MYH10: variants seen among roughly 807,000 people sequenced by gnomAD.
MYH10 encodes the protein myosin heavy chain 10, also known as myosin-10.
Under a neutral mutation model 257.8 loss-of-function variants are expected in MYH10, and 55 were observed. The ratio of observed to expected loss-of-function variants is 0.21; its 90% CI spans 0.17 to 0.27. The LOEUF (loss-of-function observed/expected upper bound fraction) is 0.27. Ranked by LOEUF, MYH10 falls within the 10% of genes least tolerant of loss-of-function variation. The pLI is 1.00. For synonymous variants in MYH10, 854 were observed against 921.7 expected, an observed-to-expected ratio of 0.93 and a Z score of 1.33; for missense variants, 1,631 against 2,500.6, an observed-to-expected ratio of 0.65 and a Z score of 7.42.
At chr17:8,612,174 T>C (rs895531837) in intron 2 of MYH10, among the ~76,000 whole-genome samples, 2 of 152,180 alleles carry the variant, frequency 1.3e-5, no homozygotes, top group African/African-American at 4.8e-5. Flanking sequence ...CTCTCAGATC[T>C]CAGATCAACT....
At chr17:8,573,726 C>G (rs944807236) in intron 6 of MYH10, 3 of 569,278 alleles carry the variant, frequency 5.3e-6, no homozygotes, top group Non-Finnish European at 6.7e-6. Flanking sequence ...ATAAAAAGTA[C>G]ACCAAAAGTT....
chr17:8,614,855 T>C (rs9912638), intron 2 of MYH10, among the ~76,000 whole-genome samples: 53,379 of 151,906 alleles, frequency 0.35, 11,199 homozygotes, highest in African/African-American at 0.6. Flanking sequence ...TAAAAAAGGG[T>C]AATACAAATA....
chr17:8,504,950 C>G lies in MYH10; in HGVS notation c.3387-44G>C. 1 of 1,554,632 alleles carries G rather than the reference C, an allele frequency of 6.4e-7. No individual in the cohort carries two copies. Among genetic ancestry groups the G allele is most frequent in the Non-Finnish European group, 8.9e-7 (1 of 1,127,812 alleles). Reference sequence around the variant, plus strand: ...GCAAGAGGCACTCAGAGATGGCACCCGGATGGCCTGTTTCTCAGGCGAGCC... The same window carrying G: ...GCAAGAGGCACTCAGAGATGGCACCGGGATGGCCTGTTTCTCAGGCGAGCC... On this transcript the variant is annotated intron_variant, in intron 27 of 42. Transcript: ENST00000360416. The surrounding 1 kb of genome is among the most constrained non-coding windows in gnomAD (Gnocchi z 5.6).
chr17:8,552,027 A>G lies in MYH10; in HGVS notation c.919+19T>C. On this transcript the variant is annotated intron_variant, in intron 9 of 42. Transcript: ENST00000360416. This position sits in a 1 kb window ranked among gnomAD's most constrained non-coding sequence, Gnocchi z 4.8. ...GATATTCCAGTGAATATAAAATAGT[A>G]AAAACCTTTGTAACTTACACTTTAG... The G allele has an allele frequency of 7.4e-7, 1 of 1,357,066 alleles. No homozygotes were observed. The highest frequency in any genetic ancestry group is 9.9e-7 in the Non-Finnish European group (1 of 1,005,242). The allele number at this position is 1,357,066 out of a possible 1,614,324, so 84.1% of individuals were successfully genotyped here.
chr17:8,570,305 T>C (rs893964812), intron 6 of MYH10, among the ~76,000 whole-genome samples: 1 of 152,238 alleles, frequency 6.6e-6, no homozygotes, highest in African/African-American at 2.4e-5. Context: ...GACAGGGCAA[T>C]GTCTTCACCT....
At chr17:8,521,024 T>A (rs750890657) in intron 18 of MYH10, 25 bp from the exon 19 acceptor site, 2 of 1,610,680 alleles carry the variant, frequency 1.2e-6, no homozygotes, top group Non-Finnish European at 8.5e-7. Flanking sequence ...AATAGTTTCA[T>A]GGTTTAATCT....
chr17:8,616,528 A>C (rs142449143), intron 2 of MYH10, among the ~76,000 whole-genome samples: 1 of 152,116 alleles, frequency 6.6e-6, no homozygotes, highest in Non-Finnish European at 1.5e-5. Context: ...AAATTTAAAC[A>C]CCATTTAAAT....
chr17:8,499,561 T>C lies in MYH10; in HGVS notation c.3745-85A>G, dbSNP rs368874626. ...ACTGCTTTTTGAGTCTGCAGAATTGTGCCTAACACACAGTGAGTCTGTAGT... is the reference window on the plus strand; with the variant it reads ...ACTGCTTTTTGAGTCTGCAGAATTGCGCCTAACACACAGTGAGTCTGTAGT... On this transcript the variant is annotated intron_variant, in intron 29 of 42. Coordinates refer to ENST00000360416, the MANE Select transcript of MYH10 (RefSeq NM_001256012.3). 1.9e-4 allele frequency: 233 copies of C among 1,213,592 alleles called. 1 individual carries two copies. The East Asian group carries it at 4.7e-3, about 25-fold the overall frequency. 75.2% of individuals were successfully genotyped at this position (1,213,592 alleles called of 1,614,324 possible).
In MYH10 at chr17:8,558,218, A is replaced by G. The variant is rs529358243; in HGVS notation, c.757-4200T>C. 2.6e-5 allele frequency among the ~76,000 whole-genome samples: 4 copies of G among 152,338 alleles called. No individual in the cohort carries two copies. The East Asian group carries it at 7.7e-4, about 29-fold the overall frequency. Reference sequence around the variant, plus strand: ...CAAATAAGCACTCTACACAAATAATATAATTATTGGCATGAAGAGATGCTG... The same window carrying G: ...CAAATAAGCACTCTACACAAATAATGTAATTATTGGCATGAAGAGATGCTG... On this transcript the variant is annotated intron_variant, in intron 7 of 42. Coordinates refer to ENST00000360416, the MANE Select transcript of MYH10 (RefSeq NM_001256012.3).
intron 8 of MYH10, among the ~76,000 whole-genome samples, 181 bp downstream of exon 8, chr17:8,553,774 A>C (rs1422868323): frequency 6.6e-6 from 1 of 152,184 alleles, no homozygotes; most frequent in East Asian, 1.9e-4. Flanking sequence ...TGGTTTTACA[A>C]ACAACAAAAC....
At position 8,491,750 on chromosome 17, in the gene MYH10, C is replaced by T. The variant is rs539909658; in HGVS notation, c.4671+547G>A. Among the ~76,000 whole-genome samples, 75 of 152,212 alleles carry T rather than the reference C, an allele frequency of 4.9e-4. 1 individual carries two copies. Among genetic ancestry groups the T allele is most frequent in the African/African-American group, 1.6e-3 (66 of 41,520 alleles). On this transcript the variant is annotated intron_variant, in intron 34 of 42. Coordinates refer to ENST00000360416, the MANE Select transcript of MYH10 (RefSeq NM_001256012.3). ...AACACGTCATACACTAAGGGAGAGA[C>T]GTAGGGTAAATAAATATCATGGCAG...
chr17:8,601,571 CCTT>C (rs1411257769), intron 3 of MYH10, among the ~76,000 whole-genome samples: 1 of 152,188 alleles, frequency 6.6e-6, no homozygotes, highest in African/African-American at 2.4e-5. Context: ...GTTTCCTACT[CCTT>C]CTCTCATAAG....
At chr17:8,565,016 G>A (rs978226165) in intron 7 of MYH10, among the ~76,000 whole-genome samples, 3 of 152,114 alleles carry the variant, frequency 2.0e-5, no homozygotes, top group Admixed American at 1.3e-4. Flanking sequence ...GAAAAAGGCT[G>A]ATTCCTAGGT....
At chr17:8,613,224 C>T (rs2085113651) in intron 2 of MYH10, among the ~76,000 whole-genome samples, 3 of 152,082 alleles carry the variant, frequency 2.0e-5, no homozygotes, top group Admixed American at 2.0e-4. Flanking sequence ...GCTCTGAATT[C>T]CAAATCCAGC....
rs1914989864 is a variant in MYH10 at position 8,487,290 on chromosome 17, A to G, written c.5046+143T>C. 10 of 911,100 alleles carry G rather than the reference A, an allele frequency of 1.1e-5. No individual in the cohort carries two copies. In the South Asian group the frequency reaches 1.5e-4, roughly 14 times the overall value. 56.4% of individuals were successfully genotyped at this position (911,100 alleles called of 1,614,324 possible). On this transcript the variant is annotated intron_variant, in intron 36 of 42. Transcript: ENST00000360416. ...CTCCTGTGGACACAGCGGACACACAAGCACTCTCTTTATGGCCTGCTGCCC... is the reference window on the plus strand; with the variant it reads ...CTCCTGTGGACACAGCGGACACACAGGCACTCTCTTTATGGCCTGCTGCCC...
At chr17:8,489,432 G>A (rs542969458) in intron 35 of MYH10, among the ~76,000 whole-genome samples, 6 of 152,314 alleles carry the variant, frequency 3.9e-5, no homozygotes, top group South Asian at 2.1e-4. Flanking sequence ...GGCCGGGCAT[G>A]GTGGCTCATG....
chr17:8,541,884 A>G (rs1234217123), intron 14 of MYH10, among the ~76,000 whole-genome samples: 1 of 152,216 alleles, frequency 6.6e-6, no homozygotes, highest in African/African-American at 2.4e-5. Context: ...GCAAGCAAGG[A>G]CAGGAATCAA....
chr17:8,606,802 GAC>G (rs2059492977), intron 2 of MYH10, among the ~76,000 whole-genome samples: 1 of 152,210 alleles, frequency 6.6e-6, no homozygotes, highest in South Asian at 2.1e-4. Flanking sequence ...CTACTGAGCA[GAC>G]CAGGAGGTTA....
intron 19 of MYH10, among the ~76,000 whole-genome samples, chr17:8,520,032 T>C (rs756669165): frequency 2.6e-5 from 4 of 152,140 alleles, no homozygotes; most frequent in African/African-American, 4.8e-5. Flanking sequence ...TACACATACA[T>C]TGGAAAAAAT....
Sources: gnomAD v4.1 joint callset for allele counts (sites outside exome capture counted in the v4.1 genomes callset) on GRCh38, gnomAD v4.1.1 for gene constraint, Gnocchi (gnomAD v3.1) non-coding constraint, MANE v1.5 for transcripts, NCBI Gene and HGNC (gene_info 2026-07-23, HGNC 2026-07-21) for gene names.